The following CYP4X1 variants were observed in gnomAD, a reference collection of about 807,000 sequenced individuals.
CYP4X1 encodes cytochrome P450 4X1.
A neutral mutation model predicts 57.9 loss-of-function variants in CYP4X1; 44 were observed. The observed-to-expected ratio is 0.76, with a 90% CI of 0.60 to 0.98. CYP4X1 has a LOEUF of 0.98. CYP4X1 is among the 50% of genes least tolerant of loss of function. The probability of loss-of-function intolerance (pLI) is 0.00; values close to 1 mark genes in which losing one functional copy is unlikely to be tolerated. For missense variants in CYP4X1, 532 were observed against 623.9 expected, an observed-to-expected ratio of 0.85 and a Z score of 1.57; for synonymous variants, 227 against 228.6, an observed-to-expected ratio of 0.99 and a Z score of 0.06.
the CYP4X1 span, among the ~76,000 whole-genome samples, chr1:46,963,084 T>C: frequency 6.6e-6 from 1 of 152,226 alleles, no homozygotes; most frequent in African/African-American, 2.4e-5. Flanking sequence ...CCCCTGCCTT[T>C]TTTTTGTTTT....
In CYP4X1 at chr1:47,040,781, T is replaced by C. The variant is rs59550357; in HGVS notation, c.1073+1249T>C. The stretch of plus-strand genomic sequence containing the variant: ...ATCAATGGACATGTTCATTAACTCA[T>C]ACTTATCATTTTTTTGTGGTAAGGA... On this transcript the variant is annotated intron_variant, in intron 8 of 11. Transcript: ENST00000371901. Among the ~76,000 whole-genome samples the C allele has an allele frequency of 6.4e-3, 968 of 152,270 alleles. 9 individuals carry two copies. Among genetic ancestry groups the C allele is most frequent in the African/African-American group, 0.021 (875 of 41,560 alleles).
chr1:47,013,466 TTTGATATTA>T, the CYP4X1 span, among the ~76,000 whole-genome samples: 1 of 152,186 alleles, frequency 6.6e-6, no homozygotes, highest in African/African-American at 2.4e-5. Context: ...TTCAGTGTTA[TTTGATATTA>T]TTATTATTCC....
At chr1:47,053,042 A>G (rs527434278), downstream of CYP4X1, among the ~76,000 whole-genome samples, 1 of 152,064 alleles carries the variant, frequency 6.6e-6, no homozygotes, top group South Asian at 2.1e-4. Context: ...AGCATTAGGT[A>G]TATCTCCTAA....
chr1:47,027,117 A>G (rs1223508837), intron 1 of CYP4X1, among the ~76,000 whole-genome samples: 1 of 150,602 alleles, frequency 6.6e-6, no homozygotes, highest in Non-Finnish European at 1.5e-5. Context: ...TTCATTTCAG[A>G]CTATTTATTG....
At chr1:47,016,576 C>T in the CYP4X1 span, among the ~76,000 whole-genome samples, 5 of 152,192 alleles carry the variant, frequency 3.3e-5, no homozygotes, top group Admixed American at 2.0e-4. Flanking sequence ...CTCCTGACCT[C>T]GTGATCCACC....
the CYP4X1 span, among the ~76,000 whole-genome samples, chr1:46,975,398 G>A: frequency 1.5e-4 from 23 of 151,394 alleles, no homozygotes; most frequent in Admixed American, 3.9e-4. Context: ...TCCTGAGAAG[G>A]ATTTTATTTC....
the CYP4X1 span, among the ~76,000 whole-genome samples, chr1:47,016,423 G>C: frequency 6.6e-6 from 1 of 151,316 alleles, no homozygotes; most frequent in Non-Finnish European, 1.5e-5. Context: ...CTCCCCACAA[G>C]CTCCACCTCC....
the CYP4X1 span, among the ~76,000 whole-genome samples, chr1:46,982,044 TG>T: frequency 2.0e-5 from 3 of 152,164 alleles, no homozygotes; most frequent in African/African-American, 4.8e-5. Flanking sequence ...GACAAGTTAC[TG>T]GGTGCAGCAA....
chr1:47,001,474 C>A, the CYP4X1 span, among the ~76,000 whole-genome samples: 2 of 152,112 alleles, frequency 1.3e-5, no homozygotes, highest in African/African-American at 4.8e-5. Context: ...GGGAGACCGA[C>A]AGGCACCCAG....
chr1:46,977,795 G>A, the CYP4X1 span, among the ~76,000 whole-genome samples: 1 of 152,018 alleles, frequency 6.6e-6, no homozygotes. Flanking sequence ...AACTCTACAA[G>A]CCAGGAAAGA....
intron 6 of CYP4X1, among the ~76,000 whole-genome samples, chr1:47,038,211 G>A (rs1003453540): frequency 1.3e-5 from 2 of 152,140 alleles, no homozygotes; most frequent in South Asian, 4.1e-4. Context: ...TAAAATAAAA[G>A]TTGAAATTTT....
At chr1:46,986,672 T>C in the CYP4X1 span, among the ~76,000 whole-genome samples, 1,029 of 152,140 alleles carry the variant, frequency 6.8e-3, 14 homozygotes, top group African/African-American at 0.024. Flanking sequence ...CCCAACAGAC[T>C]AACAGTGGAT....
rs780805658 is a variant in CYP4X1, at chr1:47,039,444, C to T, written c.985C>T (p.Leu329Phe). Reference sequence around the variant, plus strand: ...CTTGGCAGCAAGCATCTCCTGGATCCTTTACTGCCTGGCTCTGAACCCTGA... The same window carrying T: ...CTTGGCAGCAAGCATCTCCTGGATCTTTTACTGCCTGGCTCTGAACCCTGA... ...DTLAASISWI[L>F]YCLALNPEHQ... The change falls in exon 8 of 12, where the codon CTT (leucine) becomes TTT (phenylalanine). Residue 329 changes from leucine to phenylalanine, a missense_variant. Transcript: ENST00000371901. 6.2e-7 allele frequency: 1 copy of T among 1,613,602 alleles called. No homozygotes were observed. The highest frequency in any genetic ancestry group is 1.1e-5 in the South Asian group (1 of 91,020).
At chr1:47,006,933 G>A in the CYP4X1 span, among the ~76,000 whole-genome samples, 1 of 152,238 alleles carries the variant, frequency 6.6e-6, no homozygotes. Flanking sequence ...CGGCTGGGAA[G>A]CTCAAACTGG....
At chr1:46,977,451 AG>A in the CYP4X1 span, among the ~76,000 whole-genome samples, 2 of 152,264 alleles carry the variant, frequency 1.3e-5, no homozygotes, top group East Asian at 3.9e-4. Context: ...AAATGAACAA[AG>A]CCTCCAAGAA....
chr1:46,993,696 T>C, the CYP4X1 span, among the ~76,000 whole-genome samples: 1 of 152,260 alleles, frequency 6.6e-6, no homozygotes, highest in Non-Finnish European at 1.5e-5. Context: ...ATGAGCATTT[T>C]TTCGTGTGTC....
At chr1:47,016,271 A>T in the CYP4X1 span, among the ~76,000 whole-genome samples, 1 of 152,214 alleles carries the variant, frequency 6.6e-6, no homozygotes, top group South Asian at 2.1e-4. Context: ...TTTAAAGCCT[A>T]ATTAGGAAGA....
chr1:46,974,939 A>C, the CYP4X1 span, among the ~76,000 whole-genome samples: 1 of 152,116 alleles, frequency 6.6e-6, no homozygotes, highest in African/African-American at 2.4e-5. Context: ...ATTTATGGGT[A>C]GATAGTAAGG....
At chr1:47,055,346 TTGA>T (rs1644387397), downstream of CYP4X1, among the ~76,000 whole-genome samples, 1 of 152,210 alleles carries the variant, frequency 6.6e-6, no homozygotes, top group Admixed American at 6.5e-5. Context: ...AATTTTTGCA[TTGA>T]TGATCATTAA....
Sources: gnomAD v4.1 joint callset for allele counts (sites outside exome capture counted in the v4.1 genomes callset) on GRCh38, gnomAD v4.1.1 for gene constraint, MANE v1.5 for transcripts, NCBI Gene and HGNC (gene_info 2026-07-23, HGNC 2026-07-21) for gene names.